The following CCDC171 variants were observed in gnomAD, a reference collection of about 807,000 sequenced individuals.
CCDC171 encodes the protein coiled-coil domain-containing protein 171.
In CCDC171, 177 loss-of-function variants were observed where a neutral mutation model predicts 168.2. The ratio of observed to expected loss-of-function variants is 1.05; its 90% CI spans 0.93 to 1.19. CCDC171 has a LOEUF of 1.19. Among genes scored for constraint, CCDC171 ranks in the 50% most tolerant of loss-of-function variants. The pLI, the probability that CCDC171 is intolerant of heterozygous loss-of-function variation, is 0.00. For missense variants in CCDC171, 1,991 were observed against 1,539.0 expected (o/e 1.29, Z -4.91); for synonymous variants, 687 against 540.8 (o/e 1.27, Z -3.75).
chr9:15,785,767 C>T (rs763897800), intron 21 of CCDC171, among the ~76,000 whole-genome samples: 2 of 152,084 alleles, frequency 1.3e-5, no homozygotes, highest in African/African-American at 4.8e-5. Context: ...GTCTTCCTAA[C>T]CACCACATCA....
the CCDC171 span, among the ~76,000 whole-genome samples, chr9:16,079,046 C>G: frequency 6.6e-6 from 1 of 152,222 alleles, no homozygotes; most frequent in Non-Finnish European, 1.5e-5. Context: ...TTTTACTGCT[C>G]TAACCTATAA....
At chr9:15,643,965 A>G (rs2132597558) in intron 7 of CCDC171, among the ~76,000 whole-genome samples, 1 of 152,254 alleles carries the variant, frequency 6.6e-6, no homozygotes, top group Non-Finnish European at 1.5e-5. Context: ...CATCTTGTTT[A>G]TTCATTCATT....
intron 7 of CCDC171, among the ~76,000 whole-genome samples, chr9:15,627,926 C>G (rs1467578406): frequency 1.3e-5 from 2 of 152,066 alleles, no homozygotes; most frequent in Admixed American, 1.3e-4. Flanking sequence ...GTGTTAAAGT[C>G]TCCCATTATT....
chr9:15,888,317 G>A (rs1048418815), intron 24 of CCDC171, among the ~76,000 whole-genome samples: 3 of 151,470 alleles, frequency 2.0e-5, no homozygotes, highest in Non-Finnish European at 4.4e-5. Context: ...TTGATGACCT[G>A]TTAAACATGT....
intron 7 of CCDC171, among the ~76,000 whole-genome samples, chr9:15,636,239 A>C (rs2046190914): frequency 1.3e-5 from 2 of 152,182 alleles, no homozygotes; most frequent in South Asian, 4.1e-4. Flanking sequence ...AGAAATGCCA[A>C]ATATGAACTT....
chr9:15,626,416 T>A (rs910187656), intron 7 of CCDC171, among the ~76,000 whole-genome samples: 1 of 152,120 alleles, frequency 6.6e-6, no homozygotes, highest in Non-Finnish European at 1.5e-5. Flanking sequence ...ATGCTTCCAG[T>A]TTTTGCCCAT....
At position 15,906,847 on chromosome 9, in the gene CCDC171, G is replaced by A. The variant is rs939025536; in HGVS notation, c.3601-13423G>A. ...AAGTCTCTGGATACAAAATCAATGT[G>A]CAAAAATCACAAGCATTCTTATACA... On this transcript the variant is annotated intron_variant, in intron 24 of 25. Coordinates refer to ENST00000380701, the MANE Select transcript of CCDC171 (RefSeq NM_173550.4). 4.1e-4 allele frequency among the ~76,000 whole-genome samples: 63 copies of A among 151,998 alleles called. 1 individual carries two copies. Among genetic ancestry groups the A allele is most frequent in the South Asian group, 6.2e-4 (3 of 4,818 alleles).
chr9:15,801,221 A>G (rs1201736805), intron 21 of CCDC171, among the ~76,000 whole-genome samples: 6 of 152,046 alleles, frequency 3.9e-5, no homozygotes, highest in Admixed American at 3.9e-4. Flanking sequence ...CATTTTAACA[A>G]TATTGATTCT....
At chr9:15,680,746 C>G (rs2049984120) in intron 10 of CCDC171, among the ~76,000 whole-genome samples, 1 of 152,146 alleles carries the variant, frequency 6.6e-6, no homozygotes, top group Admixed American at 6.6e-5. Context: ...TGTTTTAACT[C>G]TTACCTCCTA....
At chr9:15,600,455 T>G (rs1333735445) in intron 6 of CCDC171, among the ~76,000 whole-genome samples, 2 of 152,148 alleles carry the variant, frequency 1.3e-5, no homozygotes, top group African/African-American at 2.4e-5. Context: ...ACAGCAGATA[T>G]TGGTGAACAG....
chr9:16,105,473 G>A, the CCDC171 span, among the ~76,000 whole-genome samples: 1 of 152,066 alleles, frequency 6.6e-6, no homozygotes, highest in African/African-American at 2.4e-5. Context: ...CTCTTTTTCA[G>A]TGGCACTGGT....
intron 7 of CCDC171, among the ~76,000 whole-genome samples, chr9:15,640,366 C>T (rs886097988): frequency 1.3e-5 from 2 of 151,796 alleles, no homozygotes; most frequent in African/African-American, 2.4e-5. Context: ...ACTGTGCTGG[C>T]CACATGGAAA....
At chr9:15,608,428 A>C (rs890969986) in intron 6 of CCDC171, among the ~76,000 whole-genome samples, 2 of 152,138 alleles carry the variant, frequency 1.3e-5, no homozygotes, top group African/African-American at 2.4e-5. Flanking sequence ...TGGGTGTAAC[A>C]ATTTCAAAGA....
chr9:15,844,730 A>G (rs2060823527), intron 21 of CCDC171, among the ~76,000 whole-genome samples: 1 of 152,158 alleles, frequency 6.6e-6, no homozygotes, highest in Admixed American at 6.6e-5. Context: ...TGAAAATGAA[A>G]GAATGGAAAC....
At chr9:15,804,775 A>G (rs1366599732) in intron 21 of CCDC171, among the ~76,000 whole-genome samples, 1 of 151,098 alleles carries the variant, frequency 6.6e-6, no homozygotes, top group Non-Finnish European at 1.5e-5. Context: ...TAAGCTGTTT[A>G]TTACTGGGAG....
intron 8 of CCDC171, among the ~76,000 whole-genome samples, chr9:15,657,676 C>G (rs2048039161): frequency 6.6e-6 from 1 of 152,084 alleles, no homozygotes. Context: ...GAATGAGCTC[C>G]TTTTGTAACT....
chr9:15,847,561 C>G (rs1277397618), intron 22 of CCDC171, among the ~76,000 whole-genome samples: 1 of 151,932 alleles, frequency 6.6e-6, no homozygotes, highest in Non-Finnish European at 1.5e-5. Flanking sequence ...AAAGACAGTT[C>G]TTTGTACAAC....
chr9:16,021,389 A>G (rs956380843), intron 4 of CCDC171, among the ~76,000 whole-genome samples: 1 of 152,210 alleles, frequency 6.6e-6, no homozygotes, highest in African/African-American at 2.4e-5. Flanking sequence ...CCTGGCCTCA[A>G]TAAGACAATT....
At chr9:15,594,521 A>G (rs2042205359) in intron 6 of CCDC171, among the ~76,000 whole-genome samples, 1 of 152,204 alleles carries the variant, frequency 6.6e-6, no homozygotes, top group South Asian at 2.1e-4. Flanking sequence ...AATCCTTACA[A>G]ATCATATAGT....
Sources: allele counts gnomAD v4.1 joint callset (sites outside exome capture counted in the v4.1 genomes callset), GRCh38; gene constraint gnomAD v4.1.1; transcripts MANE v1.5; gene names NCBI Gene and HGNC (gene_info 2026-07-23, HGNC 2026-07-21).